GRM1: variants seen among roughly 807,000 people sequenced by gnomAD.
GRM1 encodes metabotropic glutamate receptor 1.
In GRM1, 33 loss-of-function variants were observed where a neutral mutation model predicts 90.9. The observed-to-expected ratio is 0.36, with a 90% confidence interval of 0.28 to 0.49. The LOEUF (loss-of-function observed/expected upper bound fraction) is 0.49. Ranked by LOEUF, GRM1 falls within the 20% of genes least tolerant of loss-of-function variation. GRM1 has a pLI of 0.99. For synonymous variants in GRM1, 700 were observed against 613.2 expected, an observed-to-expected ratio of 1.14 and a Z score of -2.09; for missense variants, 1,190 against 1,534.3, an observed-to-expected ratio of 0.78 and a Z score of 3.75.
chr6:146,259,911 A>G (rs1013849815), intron 2 of GRM1, among the ~76,000 whole-genome samples: 12 of 150,180 alleles, frequency 8.0e-5, no homozygotes, highest in African/African-American at 2.9e-4. Flanking sequence ...ATTCCCATCA[A>G]CAATGTAAAA....
At chr6:146,247,388 G>C (rs1781096726) in intron 2 of GRM1, among the ~76,000 whole-genome samples, 2 of 152,110 alleles carry the variant, frequency 1.3e-5, no homozygotes, top group Non-Finnish European at 2.9e-5. Flanking sequence ...TTAGAAAAAG[G>C]CAAGTGAAAC....
chr6:146,385,712 T>C (rs1391720868), intron 5 of GRM1, among the ~76,000 whole-genome samples: 1 of 152,034 alleles, frequency 6.6e-6, no homozygotes, highest in African/African-American at 2.4e-5. Flanking sequence ...AATTGACTGT[T>C]TAAAGCAAAA....
intron 5 of GRM1, among the ~76,000 whole-genome samples, chr6:146,380,927 G>T (rs185444147): frequency 6.6e-6 from 1 of 152,252 alleles, no homozygotes; most frequent in Admixed American, 6.5e-5. Flanking sequence ...GGGAGCTAGG[G>T]CCTGAAACAG....
intron 2 of GRM1, among the ~76,000 whole-genome samples, chr6:146,273,108 A>G (rs1313917609): frequency 6.6e-6 from 1 of 152,212 alleles, no homozygotes; most frequent in Non-Finnish European, 1.5e-5. Flanking sequence ...GTGTCTACAT[A>G]AGAAGATATT....
At chr6:146,345,356 G>C (rs1404887560) in intron 3 of GRM1, among the ~76,000 whole-genome samples, 5 of 152,184 alleles carry the variant, frequency 3.3e-5, no homozygotes, top group Admixed American at 6.5e-5. Flanking sequence ...TTTAGAGTCA[G>C]TCATAAAAGT....
At chr6:146,202,089 G>C (rs1276684971) in intron 2 of GRM1, among the ~76,000 whole-genome samples, 1 of 152,152 alleles carries the variant, frequency 6.6e-6, no homozygotes, top group East Asian at 1.9e-4. Flanking sequence ...ATCCCCCAAT[G>C]AACACATGTA....
intron 7 of GRM1, among the ~76,000 whole-genome samples, chr6:146,403,185 G>T (rs1025877799): frequency 6.6e-6 from 1 of 152,096 alleles, no homozygotes; most frequent in African/African-American, 2.4e-5. Context: ...AAAGAAAAAT[G>T]AGTTAACATT....
At chr6:146,074,175 A>C (rs532096629) in intron 1 of GRM1, among the ~76,000 whole-genome samples, 4 of 152,216 alleles carry the variant, frequency 2.6e-5, no homozygotes, top group African/African-American at 7.2e-5. Context: ...GATGGATGAG[A>C]GATATCAAGA....
chr6:146,166,452 T>C (rs1040490338), intron 2 of GRM1, among the ~76,000 whole-genome samples: 1 of 152,152 alleles, frequency 6.6e-6, no homozygotes, highest in Non-Finnish European at 1.5e-5. Context: ...AGCTCTGTTT[T>C]TTTCTTTCTT....
At chr6:146,272,499 GT>G (rs1782202148) in intron 2 of GRM1, among the ~76,000 whole-genome samples, 2 of 152,114 alleles carry the variant, frequency 1.3e-5, no homozygotes. Context: ...GATAAATAGT[GT>G]TTACTGAATA....
At chr6:146,426,436 G>T in intron 7 of GRM1, 1 of 803,934 alleles carries the variant, frequency 1.2e-6, no homozygotes. Context: ...TAGAGCAAAC[G>T]GAGGTGGAGG....
chr6:146,247,138 C>T (rs779511549), intron 2 of GRM1, among the ~76,000 whole-genome samples: 40 of 152,194 alleles, frequency 2.6e-4, no homozygotes, highest in Admixed American at 7.2e-4. Flanking sequence ...GTGTAACACA[C>T]GGCCCTCAGT....
chr6:146,371,812 C>G (rs988790119), intron 5 of GRM1, among the ~76,000 whole-genome samples: 2 of 152,086 alleles, frequency 1.3e-5, no homozygotes, highest in Non-Finnish European at 2.9e-5. Flanking sequence ...TTTTTTATGG[C>G]TGTATAATAC....
chr6:146,309,045 G>A (rs999573277), intron 3 of GRM1, among the ~76,000 whole-genome samples: 5 of 152,018 alleles, frequency 3.3e-5, no homozygotes, highest in African/African-American at 1.2e-4. Context: ...TTTTACATTT[G>A]GATAATTTTC....
intron 2 of GRM1, among the ~76,000 whole-genome samples, chr6:146,283,496 C>A (rs891575518): frequency 6.6e-6 from 1 of 152,180 alleles, no homozygotes; most frequent in Non-Finnish European, 1.5e-5. Context: ...TCTCATTAGT[C>A]ATATTCACCT....
intron 2 of GRM1, among the ~76,000 whole-genome samples, chr6:146,246,755 T>C (rs1241973246): frequency 6.6e-6 from 1 of 152,204 alleles, no homozygotes; most frequent in Non-Finnish European, 1.5e-5. Context: ...TGATACATAT[T>C]GTACTTTGAT....
intron 2 of GRM1, among the ~76,000 whole-genome samples, chr6:146,242,786 T>C (rs4272232): frequency 0.67 from 101,267 of 151,986 alleles, 35,691 homozygotes; most frequent in African/African-American, 0.92. Context: ...ATTTTCCCTT[T>C]TCCATTTCCC....
intron 5 of GRM1, among the ~76,000 whole-genome samples, chr6:146,375,287 A>G (rs1776054082): frequency 6.6e-6 from 1 of 152,030 alleles, no homozygotes; most frequent in Non-Finnish European, 1.5e-5. Context: ...GTTTTGTGAC[A>G]TAATGTATGA....
chr6:146,403,940 ATTTATTATTTCTTAGTG>A (rs1777243186), intron 7 of GRM1, among the ~76,000 whole-genome samples: 1 of 152,094 alleles, frequency 6.6e-6, no homozygotes, highest in African/African-American at 2.4e-5. Flanking sequence ...CATTTCAAAC[ATTTATTATTTCTTAGTG>A]TTGGGAATAT....
Sources: allele counts gnomAD v4.1 joint callset (sites outside exome capture counted in the v4.1 genomes callset), GRCh38; gene constraint gnomAD v4.1.1; transcripts MANE v1.5; gene names NCBI Gene and HGNC (gene_info 2026-07-23, HGNC 2026-07-21).